Variants in EYS observed in about 807,000 individuals in gnomAD.
The protein encoded by EYS is protein eyes shut homolog.
A neutral mutation model predicts 282.1 loss-of-function variants in EYS; 250 were observed. That is an observed-to-expected ratio of 0.89 (90% confidence interval 0.80 to 0.98). The LOEUF is 0.98. Ranked by LOEUF, EYS falls within the 50% of genes least tolerant of loss-of-function variation. The probability of loss-of-function intolerance (pLI) is 0.00; values close to 1 mark genes in which losing one functional copy is unlikely to be tolerated. For missense variants in EYS, 4,016 were observed against 3,709.0 expected, an observed-to-expected ratio of 1.08 and a Z score of -2.15; for synonymous variants, 1,355 against 1,282.9, an observed-to-expected ratio of 1.06 and a Z score of -1.20.
rs988163418 is a variant in EYS at position 65,490,603 on chromosome 6, G to A, written c.853C>T (p.Gln285Ter). 6.3e-7 allele frequency: 1 copy of A among 1,596,498 alleles called. No individual in the cohort carries two copies. Among genetic ancestry groups the A allele is most frequent in the Non-Finnish European group, 8.6e-7 (1 of 1,164,554 alleles). Reference protein sequence around the residue: ...SNSFICECDEQFSGPFCEVSA... With the variant: ...SNSFICECDE ...CATATGCATTTTTTACCTGAAAATT[G>A]CTCATCACATTCACAAATGAAACTA... The change falls in exon 5 of 43, where the codon CAA becomes TAA. Residue 285 changes from glutamine to a stop codon, truncating the protein, a stop_gained. Coordinates refer to ENST00000503581, the MANE Select transcript of EYS (RefSeq NM_001142800.2). LOFTEE classifies it high-confidence loss of function.
chr6:64,464,599 A>T (rs956028055), intron 26 of EYS, among the ~76,000 whole-genome samples: 8 of 152,110 alleles, frequency 5.3e-5, no homozygotes, highest in African/African-American at 1.4e-4. Context: ...CAAATTTGCA[A>T]AATACTAAAT....
intron 26 of EYS, among the ~76,000 whole-genome samples, chr6:64,471,483 C>T (rs1374457879): frequency 6.6e-6 from 1 of 151,976 alleles, no homozygotes; most frequent in Non-Finnish European, 1.5e-5. Flanking sequence ...GAAAATAATC[C>T]TATTCACAAT....
At chr6:63,919,869 G>A (rs1185401036) in intron 35 of EYS, among the ~76,000 whole-genome samples, 5 of 152,238 alleles carry the variant, frequency 3.3e-5, no homozygotes. Flanking sequence ...AGACTGTACA[G>A]TCCGACTGCC....
intron 7 of EYS, among the ~76,000 whole-genome samples, chr6:65,386,151 T>C (rs951550702): frequency 2.0e-5 from 3 of 150,574 alleles, no homozygotes; most frequent in Non-Finnish European, 3.0e-5. Flanking sequence ...TCTGAGAAAG[T>C]GTTTCTAAAC....
chr6:64,186,697 G>A (rs1764956391), intron 31 of EYS, among the ~76,000 whole-genome samples: 1 of 152,112 alleles, frequency 6.6e-6, no homozygotes, highest in Admixed American at 6.6e-5. Flanking sequence ...TCTAGACAGA[G>A]GTAGAGCAAT....
intron 41 of EYS, among the ~76,000 whole-genome samples, chr6:63,752,125 A>G (rs910836119): frequency 2.6e-5 from 4 of 152,190 alleles, no homozygotes; most frequent in African/African-American, 9.7e-5. Context: ...TCAACTATAA[A>G]TCTAGAAAAT....
At chr6:63,890,005 C>CA (rs1320883650) in intron 35 of EYS, among the ~76,000 whole-genome samples, 1 of 151,890 alleles carries the variant, frequency 6.6e-6, no homozygotes, top group Non-Finnish European at 1.5e-5. Flanking sequence ...CAACAAAGAT[C>CA]AAAAAAGACA....
chr6:65,616,759 C>T (rs140980172), intron 2 of EYS, among the ~76,000 whole-genome samples: 85 of 150,498 alleles, frequency 5.6e-4, no homozygotes, highest in African/African-American at 1.8e-3. Context: ...GCACTCCAGC[C>T]TGGTGACAGA....
chr6:64,894,612 A>C (rs1488824598), intron 18 of EYS, among the ~76,000 whole-genome samples: 1 of 152,128 alleles, frequency 6.6e-6, no homozygotes, highest in Non-Finnish European at 1.5e-5. Context: ...CTCGAAGGTC[A>C]GGTTTTGCCT....
intron 2 of EYS, among the ~76,000 whole-genome samples, chr6:65,581,878 T>G (rs1393324245): frequency 1.3e-5 from 2 of 152,052 alleles, no homozygotes; most frequent in Non-Finnish European, 2.9e-5. Context: ...TGGTGATTTT[T>G]TTCAAAATGA....
At chr6:65,690,610 T>A (rs2149844416) in intron 1 of EYS, among the ~76,000 whole-genome samples, 1 of 150,196 alleles carries the variant, frequency 6.7e-6, no homozygotes, top group South Asian at 2.1e-4. Flanking sequence ...TGCATGCAAT[T>A]TTGTATTTAC....
intron 5 of EYS, among the ~76,000 whole-genome samples, chr6:65,409,580 C>T (rs1049717866): frequency 6.6e-6 from 1 of 152,084 alleles, no homozygotes; most frequent in Non-Finnish European, 1.5e-5. Context: ...CATCTGACTC[C>T]TAGCTAAAAA....
chr6:65,143,218 A>G (rs985724885), intron 12 of EYS, among the ~76,000 whole-genome samples: 25 of 151,932 alleles, frequency 1.6e-4, no homozygotes, highest in Admixed American at 1.3e-3. Context: ...ATTAGGACAT[A>G]AAACAACATG....
chr6:65,401,149 G>T (rs1766478225), intron 7 of EYS, among the ~76,000 whole-genome samples: 1 of 151,838 alleles, frequency 6.6e-6, no homozygotes, highest in South Asian at 2.1e-4. Flanking sequence ...TCATAAGTTA[G>T]TAACACACAG....
chr6:65,479,775 G>C lies in EYS; in HGVS notation c.862+10819C>G, dbSNP rs146438773. On this transcript the variant is annotated intron_variant, in intron 5 of 42. Transcript: ENST00000503581. Reference sequence around the variant, plus strand: ...GAACATGCAAATGTTTCATAAAGAAGGCACAAAACATACAAAATGTGTTTT... The same window carrying C: ...GAACATGCAAATGTTTCATAAAGAACGCACAAAACATACAAAATGTGTTTT... 6.6e-3 allele frequency among the ~76,000 whole-genome samples: 1,004 copies of C among 152,134 alleles called. 17 individuals carry two copies. The highest frequency in any genetic ancestry group is 0.039 in the South Asian group (186 of 4,828).
intron 19 of EYS, among the ~76,000 whole-genome samples, chr6:64,869,684 G>A (rs16895890): frequency 0.063 from 9,553 of 151,606 alleles, 403 homozygotes; most frequent in African/African-American, 0.11. Context: ...GCAGCAGCTC[G>A]TGAACTTGCA....
At chr6:64,213,531 A>T (rs1201380832) in intron 31 of EYS, among the ~76,000 whole-genome samples, 2 of 152,128 alleles carry the variant, frequency 1.3e-5, no homozygotes, top group East Asian at 3.9e-4. Context: ...TTAATGTAAA[A>T]ATTATTACAT....
chr6:65,355,605 G>T (rs1421787367), intron 8 of EYS, among the ~76,000 whole-genome samples: 1 of 151,842 alleles, frequency 6.6e-6, no homozygotes, highest in African/African-American at 2.4e-5. Flanking sequence ...AATTTATAAG[G>T]AACTCAAGCA....
At chr6:63,986,963 A>G (rs915603576) in intron 34 of EYS, among the ~76,000 whole-genome samples, 1 of 151,650 alleles carries the variant, frequency 6.6e-6, no homozygotes, top group Non-Finnish European at 1.5e-5. Context: ...AAGTCAGACT[A>G]TCTTAAAGGC....
Sources: gnomAD v4.1 joint callset for allele counts (sites outside exome capture counted in the v4.1 genomes callset) on GRCh38, gnomAD v4.1.1 for gene constraint, MANE v1.5 for transcripts, NCBI Gene and HGNC (gene_info 2026-07-23, HGNC 2026-07-21) for gene names.